DYNC1H1: variants seen among roughly 807,000 people sequenced by gnomAD.
DYNC1H1 encodes the protein dynein cytoplasmic 1 heavy chain 1.
In DYNC1H1, 51 loss-of-function variants were observed where a neutral mutation model predicts 527.1. The observed-to-expected ratio is 0.10, with a 90% confidence interval of 0.08 to 0.12. The LOEUF (loss-of-function observed/expected upper bound fraction) is 0.12, where lower values mean the gene tolerates loss of function less well. Among genes scored for constraint, DYNC1H1 ranks in the 10% least tolerant of loss-of-function variants. The pLI is 1.00. For synonymous variants in DYNC1H1, 2,189 were observed against 2,278.8 expected (o/e 0.96, Z 1.12); for missense variants, 2,771 against 5,971.8 (o/e 0.46, Z 17.66).
chr14:102,039,844 A>G lies in DYNC1H1; in HGVS notation c.11690+112A>G. The G allele has an allele frequency of 8.1e-7, 1 of 1,233,826 alleles. No homozygotes were observed. Among genetic ancestry groups the G allele is most frequent in the Non-Finnish European group, 1.1e-6 (1 of 887,072 alleles). The allele number at this position is 1,233,826 out of a possible 1,614,324, so 76.4% of individuals were successfully genotyped here. A position where few individuals can be genotyped will look rare whatever the true frequency, so the allele number is the denominator to read the frequency against. On this transcript the variant is annotated intron_variant, in intron 62 of 77. Transcript: ENST00000360184. This position sits in a 1 kb window ranked among gnomAD's most constrained non-coding sequence, Gnocchi z 7.0. Reference sequence around the variant, plus strand: ...TTTTATTTTCTCTTTTATTTTCTTTATTTTATTTTTTGAGACGGAGTCTCC... The same window carrying G: ...TTTTATTTTCTCTTTTATTTTCTTTGTTTTATTTTTTGAGACGGAGTCTCC...
chr14:102,012,465 C>T lies in DYNC1H1; in HGVS notation c.7009C>T (p.Pro2337Ser), dbSNP rs753931323. 7.4e-6 allele frequency: 12 copies of T among 1,614,044 alleles called. No individual in the cohort carries two copies. The highest frequency in any genetic ancestry group is 3.3e-4 in the Middle Eastern group (2 of 6,084). Residue 2337 changes from proline (P) to serine (S), a missense_variant, in exon 34 of 78, where the codon CCC becomes TCC. This residue lies in a region of DYNC1H1 where 56 missense variants were observed against 183.8 expected (regional missense o/e 0.30). Transcript: ENST00000360184. The surrounding 1 kb of genome is among the most constrained non-coding windows in gnomAD (Gnocchi z 4.9). ...LPNGERLSLP[P>S]NVRIMFEVQD... Reference sequence around the variant, plus strand: ...CAATGGAGAGCGCCTCAGTCTTCCACCCAATGTAAGTAGCCTTTTGTATGT... The same window carrying T: ...CAATGGAGAGCGCCTCAGTCTTCCATCCAATGTAAGTAGCCTTTTGTATGT...
chr14:102,033,643 G>C lies in DYNC1H1; in HGVS notation c.10413+159G>C. 2.3e-6 allele frequency: 2 copies of C among 879,680 alleles called. No homozygotes were observed. The highest frequency in any genetic ancestry group is 3.6e-6 in the Non-Finnish European group (2 of 554,626). 54.5% of individuals were successfully genotyped at this position (879,680 alleles called of 1,614,324 possible). On this transcript the variant is annotated intron_variant, in intron 54 of 77. Transcript: ENST00000360184. The surrounding 1 kb of genome is among the most constrained non-coding windows in gnomAD (Gnocchi z 5.6). ...TTTTTCCTGGAAAATAATACACACT[G>C]AGTAGTCACTAAGTGTTGTTAATTA...
intron 27 of DYNC1H1, 82 bp downstream of exon 27, chr14:102,006,252 T>C: frequency 1.9e-6 from 3 of 1,581,470 alleles, no homozygotes; most frequent in South Asian, 2.2e-5. Context: ...AATGTACTTC[T>C]TTTTGAGATG....
At position 102,038,948 on chromosome 14, in the gene DYNC1H1, G is replaced by GA; in HGVS notation, c.11207-52dup. The GA allele has an allele frequency of 6.2e-7, 1 of 1,613,898 alleles. No homozygotes were observed. Among genetic ancestry groups the GA allele is most frequent in the South Asian group, 1.1e-5 (1 of 90,998 alleles). On this transcript the variant is annotated intron_variant, in intron 59 of 77. Transcript: ENST00000360184. The surrounding 1 kb of genome is among the most constrained non-coding windows in gnomAD (Gnocchi z 7.2). Reference sequence around the variant, plus strand: ...CCACGTTTGTGGCAAACACTTCTGAGAGCATACCTTTTGAAGGATTATTGC... The same window carrying GA: ...CCACGTTTGTGGCAAACACTTCTGAGAAGCATACCTTTTGAAGGATTATTGC...
chr14:101,977,974 C>T (rs1280051765), intron 2 of DYNC1H1, among the ~76,000 whole-genome samples: 1 of 152,226 alleles, frequency 6.6e-6, no homozygotes, highest in Non-Finnish European at 1.5e-5. Flanking sequence ...GCAGCCTCTG[C>T]CTCCCAGGCT....
rs1318742349 is a variant in DYNC1H1, at chr14:102,033,852, C to A, written c.10414-124C>A. The stretch of plus-strand genomic sequence containing the variant: ...GTCTCATCTCCTCTGGGACTGTGAA[C>A]AACTTGGGCACGTTTCTAACCCACC... On this transcript the variant is annotated intron_variant, in intron 54 of 77. Coordinates refer to ENST00000360184, the MANE Select transcript of DYNC1H1 (RefSeq NM_001376.5). The surrounding 1 kb of genome is among the most constrained non-coding windows in gnomAD (Gnocchi z 5.6). 5 of 1,032,534 alleles carry A rather than the reference C, an allele frequency of 4.8e-6. No individual in the cohort carries two copies. The highest frequency in any genetic ancestry group is 7.3e-6 in the Non-Finnish European group (5 of 685,492). 64.0% of individuals were successfully genotyped at this position (1,032,534 alleles called of 1,614,324 possible).
intron 29 of DYNC1H1, chr14:102,009,628 C>T (rs1003459699): frequency 1.6e-5 from 10 of 624,852 alleles, no homozygotes; most frequent in African/African-American, 3.7e-5. Context: ...ACCTGGGACA[C>T]GTGCACATGA....
Position 101,979,238 on chromosome 14 carries a change from A to G in DYNC1H1, c.345-81A>G. The G allele has an allele frequency of 7.2e-7, 1 of 1,382,162 alleles. No individual in the cohort carries two copies. The allele number at this position is 1,382,162 out of a possible 1,614,324, so 85.6% of individuals were successfully genotyped here. ...ACTATTAGAAAAGCAACACTTCAGT[A>G]TATTCTTGTATGATTTTTAAATTAA... On this transcript the variant is annotated intron_variant, in intron 2 of 77. Coordinates refer to ENST00000360184, the MANE Select transcript of DYNC1H1 (RefSeq NM_001376.5). The surrounding 1 kb of genome is among the most constrained non-coding windows in gnomAD (Gnocchi z 4.6).
intron 14 of DYNC1H1, 36 bp from the exon 15 acceptor site, chr14:101,995,145 A>C: frequency 6.2e-7 from 1 of 1,614,200 alleles, no homozygotes; most frequent in South Asian, 1.1e-5. Context: ...GGTGAACCCC[A>C]GCTCTGTGAT....
At position 102,000,051 on chromosome 14, in the gene DYNC1H1, G is replaced by A; in HGVS notation, c.3867G>A (p.Arg1289=). 1 of 1,614,218 alleles carries A rather than the reference G, an allele frequency of 6.2e-7. No individual in the cohort carries two copies. Among genetic ancestry groups the A allele is most frequent in the Non-Finnish European group, 8.5e-7 (1 of 1,180,042 alleles). The change falls in exon 17 of 78, where the codon AGG becomes AGA. Residue 1289 remains arginine, a synonymous_variant. Coordinates refer to ENST00000360184, the MANE Select transcript of DYNC1H1 (RefSeq NM_001376.5). Reference sequence around the variant, plus strand: ...CCATATATGAGGGGAAGTTTGGTAGGCTGAAGGACGACAGAGAGAAGTGTG... The same window carrying A: ...CCATATATGAGGGGAAGTTTGGTAGACTGAAGGACGACAGAGAGAAGTGTG... ...ALTIYEGKFG[R]LKDDREKCAK...
chr14:102,009,127 G>A (rs540007720), intron 29 of DYNC1H1, among the ~76,000 whole-genome samples: 18 of 152,136 alleles, frequency 1.2e-4, no homozygotes, highest in Non-Finnish European at 2.4e-4. Context: ...AGGCCCCAGG[G>A]ACCACTTCCC....
chr14:102,004,732 C>A (rs1375259834), intron 24 of DYNC1H1, 30 bp from the exon 25 acceptor site: 2 of 1,614,052 alleles, frequency 1.2e-6, no homozygotes, highest in Admixed American at 1.7e-5. Context: ...TTTTTGCATA[C>A]CTCATTTCTT....
In DYNC1H1 at chr14:102,030,294, CTG is replaced by C; in HGVS notation, c.9883+14_9883+15del. 1 of 1,614,014 alleles carries C rather than the reference CTG, an allele frequency of 6.2e-7. No individual in the cohort carries two copies. The highest frequency in any genetic ancestry group is 8.5e-7 in the Non-Finnish European group (1 of 1,179,920). On this transcript the variant is annotated intron_variant, in intron 51 of 77. Transcript: ENST00000360184. ...TGAGGCCCAGAATGGTATGTAAAGA[CTG>C]TCAGAGCTTTGATGTCTAGGAAGGG...
rs761866611 is a variant in DYNC1H1 at position 102,043,872 on chromosome 14, C to T, written c.12514-3C>T. 5.6e-6 allele frequency: 9 copies of T among 1,614,052 alleles called. No homozygotes were observed. The Admixed American group carries it at 1.2e-4, about 21-fold the overall frequency. ...CTCTGTGCTTGGTCACTTTCCTCAC[C>T]AGTCTCCCAACGAGCGTGCCCGCTT... On this transcript the variant is annotated splice_region_variant and splice_polypyrimidine_tract_variant and intron_variant, in intron 69 of 77. Coordinates refer to ENST00000360184, the MANE Select transcript of DYNC1H1 (RefSeq NM_001376.5).
chr14:101,991,186 G>A (rs1010813947), intron 10 of DYNC1H1, among the ~76,000 whole-genome samples: 1 of 151,530 alleles, frequency 6.6e-6, no homozygotes, highest in Non-Finnish European at 1.5e-5. Context: ...AAAACAAAAA[G>A]CAAAGGACTT....
chr14:102,032,208 C>T, intron 51 of DYNC1H1, 64 bp from the exon 52 acceptor site: 2 of 1,605,812 alleles, frequency 1.2e-6, no homozygotes, highest in Non-Finnish European at 1.7e-6. Context: ...TTGGTTCATT[C>T]TCACCATGCT....
Position 102,016,104 on chromosome 14 carries a change from G to C in DYNC1H1, c.7473+18G>C. The C allele has an allele frequency of 6.3e-7, 1 of 1,586,364 alleles. No homozygotes were observed. The highest frequency in any genetic ancestry group is 8.6e-7 in the Non-Finnish European group (1 of 1,167,228). On this transcript the variant is annotated intron_variant, in intron 36 of 77. Transcript: ENST00000360184. The surrounding 1 kb of genome is among the most constrained non-coding windows in gnomAD (Gnocchi z 7.3). ...ACATTCAGGTCAGGGGGCATCAGGG[G>C]CTTCACAGAGCTCACCACTGCGCCA...
In DYNC1H1 at chr14:102,029,207, G is replaced by A; in HGVS notation, c.9469-332G>A. 1 of 364,918 alleles carries A rather than the reference G, an allele frequency of 2.7e-6. No homozygotes were observed. The highest frequency in any genetic ancestry group is 5.2e-6 in the Non-Finnish European group (1 of 190,682). 22.6% of individuals were successfully genotyped at this position (364,918 alleles called of 1,614,324 possible). ...ATCAGGCCTGCCTTGCCCCTTTCTTGTCATTTCTTACTAATAAAAGGTGGA... is the reference window on the plus strand; with the variant it reads ...ATCAGGCCTGCCTTGCCCCTTTCTTATCATTTCTTACTAATAAAAGGTGGA... On this transcript the variant is annotated intron_variant, in intron 48 of 77. Coordinates refer to ENST00000360184, the MANE Select transcript of DYNC1H1 (RefSeq NM_001376.5). The surrounding 1 kb of genome is among the most constrained non-coding windows in gnomAD (Gnocchi z 5.3).
At chr14:102,026,789 C>T (rs1023704870) in intron 44 of DYNC1H1, 82 bp downstream of exon 44, 2 of 1,564,350 alleles carry the variant, frequency 1.3e-6, no homozygotes, top group African/African-American at 1.4e-5. Flanking sequence ...CACCAGGCCT[C>T]ATGCTGTCCT....
Sources: allele counts gnomAD v4.1 joint callset (sites outside exome capture counted in the v4.1 genomes callset), GRCh38; gene constraint gnomAD v4.1.1; regional missense constraint gnomAD v4.1.1; non-coding constraint Gnocchi (gnomAD v3.1); transcripts MANE v1.5; gene names NCBI Gene and HGNC (gene_info 2026-07-23, HGNC 2026-07-21).